Variants in DYM observed in about 807,000 individuals in gnomAD.
The protein encoded by DYM is dymeclin.
A neutral mutation model predicts 93.1 loss-of-function variants in DYM; 78 were observed. The ratio of observed to expected loss-of-function variants is 0.84; its 90% CI spans 0.70 to 1.01. The LOEUF (loss-of-function observed/expected upper bound fraction) is 1.01. Among genes scored for constraint, DYM ranks in the 50% least tolerant of loss-of-function variants. The pLI is 0.00. For synonymous variants in DYM, 321 were observed against 319.7 expected (o/e 1.00, Z -0.04); for missense variants, 789 against 845.0 (o/e 0.93, Z 0.82).
chr18:49,297,438 G>A (rs1056950708), intron 8 of DYM, among the ~76,000 whole-genome samples: 5 of 152,156 alleles, frequency 3.3e-5, no homozygotes, highest in Non-Finnish European at 7.3e-5. Context: ...GAAGATGAGA[G>A]TATTGGAGAG....
chr18:49,322,430 C>T (rs1025033906), intron 8 of DYM, among the ~76,000 whole-genome samples: 1 of 151,812 alleles, frequency 6.6e-6, no homozygotes, highest in Non-Finnish European at 1.5e-5. Context: ...CTTGCTTCAC[C>T]CCTTTTTTAG....
intron 17 of DYM, among the ~76,000 whole-genome samples, chr18:49,067,507 A>G (rs1269178052): frequency 1.4e-5 from 2 of 147,706 alleles, no homozygotes; most frequent in Non-Finnish European, 3.0e-5. Context: ...ACGGAAGTTT[A>G]GTAGGGAAGG....
At chr18:49,335,190 T>C (rs2063573587) in intron 6 of DYM, among the ~76,000 whole-genome samples, 1 of 152,194 alleles carries the variant, frequency 6.6e-6, no homozygotes, top group South Asian at 2.1e-4. Context: ...CCCACGCAAT[T>C]AGCCTTATTA....
At chr18:49,349,510 C>T (rs1221993176) in intron 6 of DYM, among the ~76,000 whole-genome samples, 2 of 152,090 alleles carry the variant, frequency 1.3e-5, no homozygotes, top group African/African-American at 2.4e-5. Flanking sequence ...ATTAGGTCAA[C>T]TCAAAATGTT....
intron 14 of DYM, among the ~76,000 whole-genome samples, chr18:49,189,950 A>G (rs1209692403): frequency 6.6e-6 from 1 of 152,230 alleles, no homozygotes; most frequent in Admixed American, 6.5e-5. Flanking sequence ...CTTCAAAAGG[A>G]ATATTAAAAA....
At chr18:49,149,153 T>G (rs904513196) in intron 15 of DYM, among the ~76,000 whole-genome samples, 2 of 152,214 alleles carry the variant, frequency 1.3e-5, no homozygotes, top group Admixed American at 6.5e-5. Context: ...TTGGCGCTCC[T>G]ATGAGAATCT....
At chr18:49,138,972 G>A (rs1374870565) in intron 15 of DYM, among the ~76,000 whole-genome samples, 1 of 152,172 alleles carries the variant, frequency 6.6e-6, no homozygotes, top group Non-Finnish European at 1.5e-5. Flanking sequence ...TTTATTAGCA[G>A]TTATAGCCAA....
At chr18:49,078,316 T>C (rs2145076220) in intron 17 of DYM, among the ~76,000 whole-genome samples, 1 of 152,262 alleles carries the variant, frequency 6.6e-6, no homozygotes, top group Admixed American at 6.5e-5. Context: ...ATGATGTGCT[T>C]ATTTCACGTT....
chr18:49,298,278 G>A (rs76443980), intron 8 of DYM, among the ~76,000 whole-genome samples: 12,204 of 152,188 alleles, frequency 0.08, 769 homozygotes, highest in East Asian at 0.31. Flanking sequence ...CACCTTTGTA[G>A]TTTCAAATTT....
At chr18:49,085,450 T>A (rs1331028259) in intron 17 of DYM, among the ~76,000 whole-genome samples, 1 of 152,092 alleles carries the variant, frequency 6.6e-6, no homozygotes, top group Non-Finnish European at 1.5e-5. Flanking sequence ...ATTCTTCAAG[T>A]GGGGCAAGTA....
chr18:49,052,902 G>A (rs562050426), intron 17 of DYM, among the ~76,000 whole-genome samples: 1 of 152,284 alleles, frequency 6.6e-6, no homozygotes, highest in South Asian at 2.1e-4. Flanking sequence ...ACAGGGCAGG[G>A]CACTGGTTAT....
intron 15 of DYM, among the ~76,000 whole-genome samples, chr18:49,145,108 C>CATATATAT (rs56212722): frequency 0.066 from 1,235 of 18,720 alleles, 67 homozygotes; most frequent in South Asian, 0.17. Context: ...CAAAAAAATT[C>CATATATAT]ATATATATAT....
intron 1 of DYM, chr18:49,447,253 C>T (rs564392030): frequency 2.0e-5 from 3 of 152,276 alleles, no homozygotes; most frequent in Admixed American, 6.5e-5. Flanking sequence ...AAAGCAGAAG[C>T]ATAAGAGACC....
At chr18:49,209,740 G>C (rs2092693096) in intron 13 of DYM, 25 bp from the exon 14 acceptor site, 1 of 1,204,542 alleles carries the variant, frequency 8.3e-7, no homozygotes, top group African/African-American at 1.6e-5. Context: ...TAAAAGGAGA[G>C]AAACAGAAAG....
chr18:49,268,182 A>G (rs1378947978), intron 11 of DYM, among the ~76,000 whole-genome samples: 1 of 152,156 alleles, frequency 6.6e-6, no homozygotes, highest in Non-Finnish European at 1.5e-5. Context: ...TGAGATAACA[A>G]TATATATATC....
chr18:49,090,448 G>T (rs1480772748), intron 17 of DYM, among the ~76,000 whole-genome samples: 2 of 152,184 alleles, frequency 1.3e-5, no homozygotes, highest in Non-Finnish European at 2.9e-5. Flanking sequence ...AAAAACAGGA[G>T]AAAAAAGTCA....
At chr18:49,219,804 T>C (rs1326610591) in intron 13 of DYM, among the ~76,000 whole-genome samples, 9 of 151,810 alleles carry the variant, frequency 5.9e-5, no homozygotes, top group Admixed American at 5.3e-4. Context: ...AATATCATAC[T>C]GAATGGGCAA....
intron 15 of DYM, among the ~76,000 whole-genome samples, chr18:49,123,174 GATC>G (rs1168686411): frequency 6.6e-6 from 1 of 151,918 alleles, no homozygotes; most frequent in African/African-American, 2.4e-5. Flanking sequence ...CCTTAATTAT[GATC>G]ATGACTGCTA....
At chr18:49,315,731 A>G (rs2061889504) in intron 8 of DYM, among the ~76,000 whole-genome samples, 1 of 152,232 alleles carries the variant, frequency 6.6e-6, no homozygotes, top group Non-Finnish European at 1.5e-5. Flanking sequence ...ACAAAAACAT[A>G]ACTTAAAAGC....
Sources: gnomAD v4.1 joint callset for allele counts (sites outside exome capture counted in the v4.1 genomes callset) on GRCh38, gnomAD v4.1.1 for gene constraint, MANE v1.5 for transcripts, NCBI Gene and HGNC (gene_info 2026-07-23, HGNC 2026-07-21) for gene names.